The following MMP16 variants were observed in gnomAD, a reference collection of about 807,000 sequenced individuals.
MMP16 encodes matrix metalloproteinase-16.
In MMP16, 12 loss-of-function variants were observed where a neutral mutation model predicts 67.8. That is an observed-to-expected ratio of 0.18 (90% CI 0.11 to 0.29). MMP16 has a LOEUF of 0.29. Ranked by LOEUF, MMP16 falls within the 10% of genes least tolerant of loss-of-function variation. The probability of loss-of-function intolerance (pLI) is 1.00; values close to 1 mark genes in which losing one functional copy is unlikely to be tolerated. For missense variants in MMP16, 475 were observed against 765.7 expected, an observed-to-expected ratio of 0.62 and a Z score of 4.48; for synonymous variants, 249 against 255.9, an observed-to-expected ratio of 0.97 and a Z score of 0.26.
chr8:88,300,032 T>A (rs1231445320), intron 1 of MMP16, among the ~76,000 whole-genome samples: 1 of 152,188 alleles, frequency 6.6e-6, no homozygotes, highest in Non-Finnish European at 1.5e-5. Context: ...GTCTTTCATG[T>A]GGGGAAATGC....
chr8:88,141,358 T>C lies in MMP16; in HGVS notation c.710-22497A>G, dbSNP rs116955206. On this transcript the variant is annotated intron_variant, in intron 4 of 9. Coordinates refer to ENST00000286614, the MANE Select transcript of MMP16 (RefSeq NM_005941.5). ...TGCCTTTCAGTATTAAGAAAGTATA[T>C]AAATCAGTGAAATTAAATTTTTATC... is the stretch of plus-strand genomic sequence containing the variant. 7.2e-4 allele frequency among the ~76,000 whole-genome samples: 109 copies of C among 152,248 alleles called. 1 individual carries two copies. In the East Asian group the frequency reaches 0.018, roughly 25 times the overall value.
chr8:88,048,432 A>G (rs1586122096), intron 8 of MMP16, among the ~76,000 whole-genome samples: 1 of 137,890 alleles, frequency 7.3e-6, no homozygotes, highest in East Asian at 2.4e-4. Flanking sequence ...TATATTTTGA[A>G]TGGTCACAAA....
At chr8:88,238,686 AAAGACGT>A (rs1165636986) in intron 1 of MMP16, among the ~76,000 whole-genome samples, 144 of 151,532 alleles carry the variant, frequency 9.5e-4, no homozygotes, top group African/African-American at 3.4e-3. Context: ...AAAAAAAAAA[AAAGACGT>A]GGGCTCTTTG....
At chr8:88,252,421 T>A (rs2129928120) in intron 1 of MMP16, among the ~76,000 whole-genome samples, 1 of 152,208 alleles carries the variant, frequency 6.6e-6, no homozygotes, top group South Asian at 2.1e-4. Flanking sequence ...ATTTTCATTA[T>A]TGCCTATACC....
intron 4 of MMP16, among the ~76,000 whole-genome samples, chr8:88,164,659 C>A (rs1377822096): frequency 1.3e-5 from 2 of 152,004 alleles, no homozygotes; most frequent in Non-Finnish European, 2.9e-5. Context: ...CATTCACCAG[C>A]AAAGTGTTCT....
intron 1 of MMP16, among the ~76,000 whole-genome samples, chr8:88,270,876 A>G (rs1810553027): frequency 1.3e-5 from 2 of 152,346 alleles, no homozygotes; most frequent in South Asian, 4.1e-4. Flanking sequence ...CCTTACTTTA[A>G]TCGCAACCCA....
chr8:88,266,751 C>T (rs994895483), intron 1 of MMP16, among the ~76,000 whole-genome samples: 2 of 152,086 alleles, frequency 1.3e-5, no homozygotes, highest in East Asian at 1.9e-4. Flanking sequence ...AGCAACTGTT[C>T]CGTTGTTTAA....
chr8:88,200,555 G>A (rs1466077286), intron 1 of MMP16, among the ~76,000 whole-genome samples: 1 of 152,024 alleles, frequency 6.6e-6, no homozygotes, highest in Non-Finnish European at 1.5e-5. Context: ...ACAACCAGAA[G>A]ACTGTTGTTC....
At chr8:88,160,734 A>T (rs944466939) in intron 4 of MMP16, among the ~76,000 whole-genome samples, 1 of 152,134 alleles carries the variant, frequency 6.6e-6, no homozygotes, top group African/African-American at 2.4e-5. Context: ...GTGATTCCTC[A>T]GGGATCTAGA....
intron 1 of MMP16, among the ~76,000 whole-genome samples, chr8:88,300,537 G>A (rs569319773): frequency 1.1e-4 from 16 of 152,250 alleles, no homozygotes; most frequent in African/African-American, 3.8e-4. Flanking sequence ...AGATAACAGT[G>A]CTTGCATTCA....
At chr8:88,255,397 T>C (rs574664936) in intron 1 of MMP16, among the ~76,000 whole-genome samples, 1 of 152,242 alleles carries the variant, frequency 6.6e-6, no homozygotes, top group African/African-American at 2.4e-5. Context: ...TGAGCCAAAA[T>C]AAACCTTTCT....
At chr8:88,197,100 A>G in intron 2 of MMP16, 58 bp downstream of exon 2, 1 of 1,546,322 alleles carries the variant, frequency 6.5e-7, no homozygotes, top group Non-Finnish European at 8.7e-7. Flanking sequence ...AAAGTTTTCC[A>G]GACTACTTAG....
intron 4 of MMP16, among the ~76,000 whole-genome samples, chr8:88,158,050 T>C (rs1204802814): frequency 6.6e-6 from 1 of 152,160 alleles, no homozygotes; most frequent in Non-Finnish European, 1.5e-5. Flanking sequence ...AGGTGCCCCA[T>C]TTTCTTAATC....
chr8:88,281,367 A>G (rs1034697658), intron 1 of MMP16, among the ~76,000 whole-genome samples: 1 of 152,208 alleles, frequency 6.6e-6, no homozygotes, highest in Non-Finnish European at 1.5e-5. Context: ...CAAGGGGAAG[A>G]AAGCATTCCA....
At chr8:88,208,211 G>A (rs1175402267) in intron 1 of MMP16, among the ~76,000 whole-genome samples, 1 of 152,144 alleles carries the variant, frequency 6.6e-6, no homozygotes, top group African/African-American at 2.4e-5. Context: ...CAGGCAGGAA[G>A]AAATGGGCTA....
chr8:88,280,920 C>G (rs1585996680), intron 1 of MMP16, among the ~76,000 whole-genome samples: 1 of 152,180 alleles, frequency 6.6e-6, no homozygotes, highest in East Asian at 1.9e-4. Context: ...TTCTGAATCC[C>G]AACAGTCCCA....
intron 6 of MMP16, among the ~76,000 whole-genome samples, chr8:88,098,808 C>G (rs1204155196): frequency 1.3e-5 from 2 of 151,562 alleles, no homozygotes; most frequent in African/African-American, 4.8e-5. Flanking sequence ...TAAGAAAAGC[C>G]AAAAGAAGTA....
intron 7 of MMP16, among the ~76,000 whole-genome samples, chr8:88,066,089 T>G (rs1266487383): frequency 6.6e-6 from 1 of 152,100 alleles, no homozygotes; most frequent in Non-Finnish European, 1.5e-5. Context: ...TAGCAACAGT[T>G]TGAATTTTGA....
chr8:88,193,788 C>T (rs539522712), intron 2 of MMP16, among the ~76,000 whole-genome samples: 2 of 151,800 alleles, frequency 1.3e-5, no homozygotes, highest in South Asian at 4.2e-4. Context: ...GAGTGCATGC[C>T]ACTGTACACA....
Sources: gnomAD v4.1 joint callset for allele counts (sites outside exome capture counted in the v4.1 genomes callset) on GRCh38, gnomAD v4.1.1 for gene constraint, MANE v1.5 for transcripts, NCBI Gene and HGNC (gene_info 2026-07-23, HGNC 2026-07-21) for gene names.